OR2F1: variants seen among roughly 807,000 people sequenced by gnomAD.
The protein encoded by OR2F1 is olfactory receptor family 2 subfamily F member 1, also known as olfactory receptor 2F1.
For synonymous variants in OR2F1, 146 were observed against 155.3 expected (o/e 0.94, Z 0.44); for missense variants, 389 against 378.2 (o/e 1.03, Z -0.24).
Position 143,960,409 on chromosome 7 carries a change from A to G in OR2F1, c.439A>G (p.Thr147Ala), listed in dbSNP as rs1308485471. The G allele has an allele frequency of 6.2e-7, 1 of 1,614,018 alleles. No homozygotes were observed. The highest frequency in any genetic ancestry group is 8.5e-7 in the Non-Finnish European group (1 of 1,180,036). ...HGGLCARLAI[T>A]SWVSGFISSP... ...AGGGCTGTGTGCTAGGTTGGCCATC[A>G]CATCCTGGGTCAGTGGCTTCATCAG... The change falls in exon 3 of 3, where the codon ACA (threonine) becomes GCA (alanine). Residue 147 changes from threonine to alanine, a missense_variant. By Grantham distance (58) the Thr-to-Ala change is moderately conservative. Transcript: ENST00000641412.
Sources: allele counts gnomAD v4.1 joint callset, GRCh38; gene constraint gnomAD v4.1.1; transcripts MANE v1.5; gene names NCBI Gene and HGNC (gene_info 2026-07-23, HGNC 2026-07-21).